The following COL6A5 variants were observed in gnomAD, a reference collection of about 807,000 sequenced individuals.
COL6A5 encodes the protein collagen type VI alpha 5 chain, also known as collagen alpha-5(VI) chain.
Under a neutral mutation model 65.6 loss-of-function variants are expected in COL6A5, and 48 were observed. The ratio of observed to expected loss-of-function variants is 0.73; its 90% CI spans 0.58 to 0.93. The LOEUF (loss-of-function observed/expected upper bound fraction) is 0.93. Among genes scored for constraint, COL6A5 ranks in the 40% least tolerant of loss-of-function variants. COL6A5 has a pLI of 0.00. For missense variants in COL6A5, 914 were observed against 928.3 expected (o/e 0.98, Z 0.20); for synonymous variants, 291 against 322.8 (o/e 0.90, Z 1.05).
chr3:130,401,664 G>A, intron 11 of COL6A5, 98 bp from the exon 12 acceptor site: 2 of 860,808 alleles, frequency 2.3e-6, no homozygotes, highest in Non-Finnish European at 3.8e-6. Flanking sequence ...GTGAAGATGG[G>A]CGTGTAGATG....
intron 7 of COL6A5, among the ~76,000 whole-genome samples, chr3:130,472,200 T>C (rs1408731814): frequency 6.6e-6 from 1 of 152,044 alleles, no homozygotes; most frequent in African/African-American, 2.4e-5. Context: ...GGATAGCAGG[T>C]CTCAAGTAAG....
chr3:130,370,384 A>G (rs1442010328), intron 1 of COL6A5, among the ~76,000 whole-genome samples: 1 of 152,218 alleles, frequency 6.6e-6, no homozygotes, highest in Non-Finnish European at 1.5e-5. Flanking sequence ...AGTCATAGAA[A>G]GAGTGGCTTC....
chr3:130,393,100 G>T (rs112532674), intron 7 of COL6A5, among the ~76,000 whole-genome samples: 1,701 of 149,450 alleles, frequency 0.011, 14 homozygotes, highest in Middle Eastern at 0.021. Flanking sequence ...GTGTGTGTGT[G>T]TGTTTTTCTT....
At chr3:130,372,453 A>C (rs548298054) in intron 1 of COL6A5, among the ~76,000 whole-genome samples, 110 of 152,134 alleles carry the variant, frequency 7.2e-4, no homozygotes, top group South Asian at 6.4e-3. Flanking sequence ...TTATATATAT[A>C]TATATCTATA....
intron 20 of COL6A5, among the ~76,000 whole-genome samples, chr3:130,410,922 G>A (rs1230301211): frequency 6.6e-6 from 1 of 152,136 alleles, no homozygotes; most frequent in African/African-American, 2.4e-5. Context: ...AGGTGTTTTG[G>A]GATGTCTTTG....
chr3:130,469,028 T>C (rs1404550889), exon 6 of COL6A5: 1 of 1,612,900 alleles, frequency 6.2e-7, no homozygotes. Flanking sequence ...CCTGAGCTAC[T>C]CTCCTCCAGG....
chr3:130,399,099 T>C (rs984622275), intron 10 of COL6A5, among the ~76,000 whole-genome samples: 1 of 152,230 alleles, frequency 6.6e-6, no homozygotes, highest in Non-Finnish European at 1.5e-5. Flanking sequence ...GATGCAGCAA[T>C]GGAAGACTCC....
At chr3:130,353,772 C>G (rs1260074935) in intron 1 of COL6A5, among the ~76,000 whole-genome samples, 1 of 151,568 alleles carries the variant, frequency 6.6e-6, no homozygotes, top group Admixed American at 6.6e-5. Flanking sequence ...ACATTTATTT[C>G]TTTGATCTCA....
upstream of COL6A5, among the ~76,000 whole-genome samples, chr3:130,430,009 C>T (rs1057275590): frequency 2.0e-5 from 3 of 152,200 alleles, no homozygotes; most frequent in African/African-American, 7.2e-5. Context: ...GTAAACCTTT[C>T]CTGCCCATGG....
At chr3:130,430,580 A>G (rs1254773239), upstream of COL6A5, among the ~76,000 whole-genome samples, 1 of 152,224 alleles carries the variant, frequency 6.6e-6, no homozygotes, top group Non-Finnish European at 1.5e-5. Flanking sequence ...TACATAGGGT[A>G]GATTTTCTAT....
At chr3:130,425,618 A>T (rs1323500955) in intron 29 of COL6A5, among the ~76,000 whole-genome samples, 1 of 152,060 alleles carries the variant, frequency 6.6e-6, no homozygotes, top group Non-Finnish European at 1.5e-5. Flanking sequence ...TCACCAAAGT[A>T]TTTGTTTTGC....
In COL6A5 at chr3:130,365,439, G is replaced by A. The variant is rs1391586335; in HGVS notation, c.-28-8172G>A. Among the ~76,000 whole-genome samples the A allele has an allele frequency of 2.2e-4, 34 of 152,204 alleles. 1 individual carries two copies. The East Asian group carries it at 3.7e-3, about 16-fold the overall frequency. On this transcript the variant is annotated intron_variant and NMD_transcript_variant, in intron 1 of 41. Coordinates refer to the COL6A5 transcript ENST00000312481. Reference sequence around the variant, plus strand: ...ACTACAGGCGCCCGCTACTACGCCCGGCTAATTTTTTGTATTTTTAGTAGA... The same window carrying A: ...ACTACAGGCGCCCGCTACTACGCCCAGCTAATTTTTTGTATTTTTAGTAGA...
intron 1 of COL6A5, among the ~76,000 whole-genome samples, chr3:130,366,870 C>T (rs887091651): frequency 6.6e-6 from 1 of 152,122 alleles, no homozygotes; most frequent in Non-Finnish European, 1.5e-5. Flanking sequence ...TAGTCAAAAC[C>T]AATAGGTTTA....
chr3:130,446,966 C>A (rs1709320485), intron 4 of COL6A5, among the ~76,000 whole-genome samples: 1 of 152,038 alleles, frequency 6.6e-6, no homozygotes, highest in African/African-American at 2.4e-5. Flanking sequence ...GTAGTTAAAT[C>A]ATGTTTTGGT....
intron 3 of COL6A5, among the ~76,000 whole-genome samples, chr3:130,378,654 TG>T (rs1935873447): frequency 6.6e-6 from 1 of 152,162 alleles, no homozygotes; most frequent in African/African-American, 2.4e-5. Context: ...CCAACTACTC[TG>T]GACTTCTTGC....
At chr3:130,412,580 AG>A (rs1448804763) in intron 20 of COL6A5, among the ~76,000 whole-genome samples, 1 of 152,234 alleles carries the variant, frequency 6.6e-6, no homozygotes, top group African/African-American at 2.4e-5. Context: ...GTGATGTTAT[AG>A]GAACCGAGGC....
At chr3:130,401,889 T>C in intron 12 of COL6A5, 35 bp downstream of exon 12, 1 of 1,460,960 alleles carries the variant, frequency 6.8e-7, no homozygotes, top group Non-Finnish European at 9.4e-7. Context: ...TTATCTAATG[T>C]GCCTTGATTT....
rs376782290 is a variant in COL6A5, at chr3:130,401,476, G to C, written c.4135-286G>C. ...CCAGGAAACAGAAGACTGTCAACTA[G>C]AAACCAACAAGTCTTAGGCAAAGTT... On this transcript the variant is annotated intron_variant and NMD_transcript_variant, in intron 11 of 41. Transcript: ENST00000312481. Among the ~76,000 whole-genome samples, 91 of 152,318 alleles carry C rather than the reference G, an allele frequency of 6.0e-4. 1 individual carries two copies. The South Asian group carries it at 0.018, about 30-fold the overall frequency.
chr3:130,441,373 A>G (rs7652023), intron 3 of COL6A5, among the ~76,000 whole-genome samples: 107,379 of 152,126 alleles, frequency 0.71, 41,440 homozygotes, highest in Non-Finnish European at 0.88. Context: ...CATGGATCAC[A>G]TGGCTCTAGG....
Sources: allele counts gnomAD v4.1 joint callset (sites outside exome capture counted in the v4.1 genomes callset), GRCh38; gene constraint gnomAD v4.1.1; transcripts MANE v1.5; gene names NCBI Gene and HGNC (gene_info 2026-07-23, HGNC 2026-07-21).